Variants in LARP1B observed in about 807,000 individuals in gnomAD.
The protein encoded by LARP1B is La ribonucleoprotein 1B, also known as la-related protein 1B.
Under a neutral mutation model 114.2 loss-of-function variants are expected in LARP1B, and 76 were observed. The ratio of observed to expected loss-of-function variants is 0.67; its 90% CI spans 0.55 to 0.81. The LOEUF is 0.81. Ranked by LOEUF, LARP1B falls within the 30% of genes least tolerant of loss-of-function variation. LARP1B has a pLI of 0.00. For synonymous variants in LARP1B, 345 were observed against 348.0 expected (o/e 0.99, Z 0.10); for missense variants, 1,014 against 1,075.8 (o/e 0.94, Z 0.80).
At chr4:128,212,887 A>G (rs1001618078), downstream of LARP1B, among the ~76,000 whole-genome samples, 3 of 150,674 alleles carry the variant, frequency 2.0e-5, no homozygotes, top group Admixed American at 2.0e-4. Flanking sequence ...TAGACTGATA[A>G]GCAAAAAATC....
At chr4:128,191,884 G>A (rs1752412285) in intron 15 of LARP1B, among the ~76,000 whole-genome samples, 1 of 152,146 alleles carries the variant, frequency 6.6e-6, no homozygotes, top group Non-Finnish European at 1.5e-5. Flanking sequence ...CAATGAAGAA[G>A]CTGAGTCTGG....
At chr4:128,136,392 A>G (rs917670898) in intron 11 of LARP1B, among the ~76,000 whole-genome samples, 2 of 152,196 alleles carry the variant, frequency 1.3e-5, no homozygotes, top group African/African-American at 4.8e-5. Context: ...GAAGACTTAC[A>G]AAGTTGACTT....
intron 1 of LARP1B, among the ~76,000 whole-genome samples, chr4:128,064,271 CAA>C (rs10679400): frequency 5.0e-5 from 4 of 79,582 alleles, no homozygotes; most frequent in Non-Finnish European, 9.0e-5. Context: ...GACTCAGTCT[CAA>C]AAAAAAAAAA....
Position 128,210,147 on chromosome 4 carries a change from A to G in LARP1B, c.*94A>G, listed in dbSNP as rs1410070688. ...TTCTTTGTCCTTGAAGTCAACATTT[A>G]CATCAGTATTTATTTGGGGAAAATC... On this transcript the variant is annotated 3_prime_UTR_variant, in exon 20 of 20. Transcript: ENST00000326639. 6 of 1,573,338 alleles carry G rather than the reference A, an allele frequency of 3.8e-6. No individual in the cohort carries two copies. Among genetic ancestry groups the G allele is most frequent in the Non-Finnish European group, 4.3e-6 (5 of 1,158,172 alleles).
At chr4:128,176,764 A>G in intron 12 of LARP1B, 108 bp from the exon 13 acceptor site, 3 of 979,178 alleles carry the variant, frequency 3.1e-6, no homozygotes, top group Non-Finnish European at 4.7e-6. Context: ...TACTCTTGGC[A>G]TCTATGGGAT....
At chr4:128,202,054 A>AT in intron 17 of LARP1B, among the ~76,000 whole-genome samples, 1 of 152,298 alleles carries the variant, frequency 6.6e-6, no homozygotes, top group Non-Finnish European at 1.5e-5. Flanking sequence ...AGCCCGTTTA[A>AT]TTTTTATCTG....
downstream of LARP1B, among the ~76,000 whole-genome samples, chr4:128,214,351 G>C (rs1759366979): frequency 6.7e-6 from 1 of 148,540 alleles, no homozygotes; most frequent in South Asian, 2.2e-4. Context: ...CTGGGGGCAG[G>C]GCACAGACAA....
At chr4:128,067,283 A>C (rs1021776769) in intron 1 of LARP1B, among the ~76,000 whole-genome samples, 1 of 152,184 alleles carries the variant, frequency 6.6e-6, no homozygotes, top group Non-Finnish European at 1.5e-5. Context: ...GAGAGAGAGA[A>C]TTGTATTGAA....
intron 1 of LARP1B, chr4:128,069,044 G>A: frequency 1.0e-6 from 1 of 965,508 alleles, no homozygotes. Flanking sequence ...GGAGAGTATT[G>A]CGCCTTCTCC....
chr4:128,148,930 G>A (rs953219277), intron 11 of LARP1B, among the ~76,000 whole-genome samples: 2 of 152,116 alleles, frequency 1.3e-5, no homozygotes, highest in Non-Finnish European at 2.9e-5. Flanking sequence ...CCTGGCCAGA[G>A]GCTAATACTT....
chr4:128,200,990 C>G (rs938244131), intron 17 of LARP1B, among the ~76,000 whole-genome samples: 8 of 152,190 alleles, frequency 5.3e-5, no homozygotes, highest in Admixed American at 4.6e-4. Context: ...AGCTTGCAGC[C>G]AAGATGTTGA....
chr4:128,069,613 C>T, intron 1 of LARP1B: 1 of 666,500 alleles, frequency 1.5e-6, no homozygotes, highest in Non-Finnish European at 2.7e-6. Context: ...ATGCCCCCAT[C>T]TTGGCTTACC....
intron 19 of LARP1B, among the ~76,000 whole-genome samples, 185 bp from the exon 20 acceptor site, chr4:128,209,671 C>G (rs914394484): frequency 3.3e-4 from 50 of 149,564 alleles, no homozygotes; most frequent in African/African-American, 1.2e-3. Context: ...TGCAGTGACC[C>G]GAGATCGCGC....
chr4:128,186,280 A>C (rs1750317463), intron 15 of LARP1B, among the ~76,000 whole-genome samples: 1 of 152,110 alleles, frequency 6.6e-6, no homozygotes, highest in Non-Finnish European at 1.5e-5. Flanking sequence ...TAACAATGTT[A>C]ATTTTTCCAA....
intron 12 of LARP1B, among the ~76,000 whole-genome samples, chr4:128,173,831 A>G (rs1744834280): frequency 1.3e-5 from 2 of 152,204 alleles, no homozygotes; most frequent in South Asian, 4.1e-4. Context: ...GAATTTCAGT[A>G]GATGTATAAA....
chr4:128,136,336 AC>A (rs556021732), intron 11 of LARP1B, among the ~76,000 whole-genome samples: 110 of 150,928 alleles, frequency 7.3e-4, no homozygotes, highest in African/African-American at 2.4e-3. Flanking sequence ...AAACAAAAAA[AC>A]AAAACAAAAA....
chr4:128,199,369 G>A, intron 15 of LARP1B, 70 bp from the exon 16 acceptor site: 8 of 1,257,658 alleles, frequency 6.4e-6, no homozygotes, highest in South Asian at 2.3e-5. Context: ...GAAAAAAATA[G>A]TACAAATTGG....
chr4:128,163,696 T>C (rs1384799516), intron 12 of LARP1B, among the ~76,000 whole-genome samples: 1 of 152,122 alleles, frequency 6.6e-6, no homozygotes, highest in Admixed American at 6.6e-5. Context: ...TAATGAAGTT[T>C]TTGTTTGTTT....
chr4:128,143,079 G>A (rs912340010), intron 11 of LARP1B, among the ~76,000 whole-genome samples: 2 of 151,984 alleles, frequency 1.3e-5, no homozygotes, highest in Non-Finnish European at 2.9e-5. Context: ...GAGGTCAAGA[G>A]ATTGAGACCA....
Sources: gnomAD v4.1 joint callset for allele counts (sites outside exome capture counted in the v4.1 genomes callset) on GRCh38, gnomAD v4.1.1 for gene constraint, MANE v1.5 for transcripts, NCBI Gene and HGNC (gene_info 2026-07-23, HGNC 2026-07-21) for gene names.